FREM1: variants seen among roughly 807,000 people sequenced by gnomAD.
FREM1 encodes FRAS1-related extracellular matrix protein 1.
In FREM1, 220 loss-of-function variants were observed where a neutral mutation model predicts 210.1. That is an observed-to-expected ratio of 1.05 (90% confidence interval 0.94 to 1.17). The LOEUF (loss-of-function observed/expected upper bound fraction) is 1.17. Ranked by LOEUF, FREM1 falls within the 50% of genes most tolerant of loss-of-function variation. The pLI is 0.00. For missense variants in FREM1, 3,454 were observed against 2,675.5 expected (o/e 1.29, Z -6.42); for synonymous variants, 1,189 against 980.2 (o/e 1.21, Z -3.98).
In FREM1 at chr9:14,863,802, C is replaced by T. The variant is rs180917208; in HGVS notation, c.329+7G>A. The stretch of plus-strand genomic sequence containing the variant: ...CAGCAAATGAGCGATGTTCCCGTGC[C>T]GCTTACCTGTAAAGTCTGAGCTTCA... On this transcript the variant is annotated splice_region_variant and intron_variant, in intron 3 of 36. Transcript: ENST00000380880. The T allele has an allele frequency of 2.1e-5, 34 of 1,582,764 alleles. No individual in the cohort carries two copies. Among genetic ancestry groups the T allele is most frequent in the South Asian group, 2.1e-4 (19 of 90,230 alleles).
At position 14,868,750 on chromosome 9, in the gene FREM1, A is replaced by G; in HGVS notation, c.228T>C (p.Thr76=). 6.2e-7 allele frequency: 1 copy of G among 1,605,650 alleles called. No homozygotes were observed. The highest frequency in any genetic ancestry group is 8.5e-7 in the Non-Finnish European group (1 of 1,174,374). The change falls in exon 2 of 37, where the codon ACT becomes ACC. Residue 76 remains threonine, a synonymous_variant. Coordinates refer to ENST00000380880, the MANE Select transcript of FREM1 (RefSeq NM_001379081.2). ...EPITQRVGKL[T]PQVFDCHFLP... ...AATCGCAGATAGGACCTACCTGTGG[A>G]GTGAGTTTCCCAACCCTCTGGGTTA... is the stretch of plus-strand genomic sequence containing the variant.
At chr9:14,823,474 T>C (rs1821753346) in intron 12 of FREM1, 147 bp from the exon 13 acceptor site, 1 of 701,774 alleles carries the variant, frequency 1.4e-6, no homozygotes. Context: ...AGCTCTATTT[T>C]TACTTCAATG....
chr9:14,826,242 C>A lies in FREM1; in HGVS notation c.1882-1250G>T, dbSNP rs531642784. On this transcript the variant is annotated intron_variant, in intron 10 of 36. Transcript: ENST00000380880. ...GAGTAGCTGGGGCTACGGGCTTCCA[C>A]CATCACACCCAGCTAATTTTTGTAT... Among the ~76,000 whole-genome samples the A allele has an allele frequency of 2.2e-4, 34 of 152,174 alleles. 1 individual carries two copies. The highest frequency in any genetic ancestry group is 8.2e-4 in the African/African-American group (34 of 41,534).
At chr9:14,861,482 G>A (rs1483516271) in intron 3 of FREM1, among the ~76,000 whole-genome samples, 1 of 147,916 alleles carries the variant, frequency 6.8e-6, no homozygotes, top group Non-Finnish European at 1.5e-5. Flanking sequence ...CATTTATTGA[G>A]CATTCCCTCA....
chr9:14,804,461 T>C (rs981115377), intron 19 of FREM1, among the ~76,000 whole-genome samples: 2 of 152,174 alleles, frequency 1.3e-5, no homozygotes, highest in Non-Finnish European at 1.5e-5. Context: ...GGCGGGCACC[T>C]GCAGTCCCAG....
At chr9:14,776,407 G>A (rs1287647648) in intron 24 of FREM1, among the ~76,000 whole-genome samples, 1 of 152,122 alleles carries the variant, frequency 6.6e-6, no homozygotes, top group Non-Finnish European at 1.5e-5. Flanking sequence ...CTACACCCAA[G>A]AATATTTTCC....
In FREM1 at chr9:14,737,635, C is replaced by T. The variant is rs368061543; in HGVS notation, c.6341-40G>A. 7.9e-5 allele frequency: 111 copies of T among 1,397,688 alleles called. 1 individual carries two copies. Among genetic ancestry groups the T allele is most frequent in the East Asian group, 2.8e-4 (11 of 39,226 alleles). 86.6% of individuals were successfully genotyped at this position (1,397,688 alleles called of 1,614,324 possible). On this transcript the variant is annotated intron_variant, in intron 36 of 36. Transcript: ENST00000380880. Reference sequence around the variant, plus strand: ...AAGAATGTACCAATTACTTTTATTGCGTTTATACTTAGATATCATATCCAG... The same window carrying T: ...AAGAATGTACCAATTACTTTTATTGTGTTTATACTTAGATATCATATCCAG...
intron 5 of FREM1, 89 bp downstream of exon 5, chr9:14,857,464 C>G: frequency 2.7e-6 from 3 of 1,128,838 alleles, no homozygotes; most frequent in Non-Finnish European, 4.1e-6. Flanking sequence ...GGAACTCTCC[C>G]TGGCATGGGG....
chr9:14,801,616 A>G, intron 20 of FREM1, 36 bp downstream of exon 20: 2 of 1,392,744 alleles, frequency 1.4e-6, no homozygotes, highest in Non-Finnish European at 1.0e-6. Flanking sequence ...TATTCAATCA[A>G]CAATAACAAA....
At chr9:14,758,999 T>C (rs2132237563) in intron 28 of FREM1, among the ~76,000 whole-genome samples, 1 of 152,218 alleles carries the variant, frequency 6.6e-6, no homozygotes, top group East Asian at 1.9e-4. Context: ...ACTGAGCCCA[T>C]GGGAAGTGAC....
Position 14,769,882 on chromosome 9 carries a change from T to C in FREM1, c.5060-14A>G, listed in dbSNP as rs998562734. The C allele has an allele frequency of 7.6e-7, 1 of 1,312,724 alleles. No homozygotes were observed. Among genetic ancestry groups the C allele is most frequent in the Non-Finnish European group, 1.1e-6 (1 of 935,466 alleles). 81.3% of individuals were successfully genotyped at this position (1,312,724 alleles called of 1,614,324 possible). A position where few individuals can be genotyped will look rare whatever the true frequency, so the allele number is the denominator to read the frequency against. ...GGATAAATTCACCTAAAAAAAGAAATAAATGAATATCATGGGTAATCAAAC... is the reference window on the plus strand; with the variant it reads ...GGATAAATTCACCTAAAAAAAGAAACAAATGAATATCATGGGTAATCAAAC... On this transcript the variant is annotated splice_polypyrimidine_tract_variant and intron_variant, in intron 26 of 36. Coordinates refer to ENST00000380880, the MANE Select transcript of FREM1 (RefSeq NM_001379081.2).
chr9:14,777,674 G>A (rs1158924740), intron 24 of FREM1, among the ~76,000 whole-genome samples: 2 of 152,122 alleles, frequency 1.3e-5, no homozygotes, highest in East Asian at 3.9e-4. Flanking sequence ...GAGAAGGTAT[G>A]GCATTTATAT....
At chr9:14,845,380 C>T (rs1826411861) in intron 8 of FREM1, among the ~76,000 whole-genome samples, 1 of 152,024 alleles carries the variant, frequency 6.6e-6, no homozygotes, top group Non-Finnish European at 1.5e-5. Flanking sequence ...TCTTGGCTCA[C>T]TGCAACCTCT....
Position 14,836,402 on chromosome 9 carries a change from G to A in FREM1, c.1881+5045C>T, listed in dbSNP as rs1308183042. On this transcript the variant is annotated intron_variant, in intron 10 of 36. Transcript: ENST00000380880. This position sits in a 1 kb window ranked among gnomAD's most constrained non-coding sequence, Gnocchi z 4.9. ...GCTAGGATTTTTTATTGGATTTAGTGATGCACTTTTAAATGAAACATGCTG... is the reference window on the plus strand; with the variant it reads ...GCTAGGATTTTTTATTGGATTTAGTAATGCACTTTTAAATGAAACATGCTG... Among the ~76,000 whole-genome samples, 1 of 152,198 alleles carries A rather than the reference G, an allele frequency of 6.6e-6. No homozygotes were observed. The highest frequency in any genetic ancestry group is 1.5e-5 in the Non-Finnish European group (1 of 68,026).
chr9:14,910,292 C>G lies in FREM1; in HGVS notation c.-646G>C, dbSNP rs1009223399. 1.3e-5 allele frequency: 2 copies of G among 152,296 alleles called. No homozygotes were observed. Among genetic ancestry groups the G allele is most frequent in the African/African-American group, 4.8e-5 (2 of 41,470 alleles). The allele number at this position is 152,296 out of a possible 1,614,324, so 9.4% of individuals were successfully genotyped here. Reference sequence around the variant, plus strand: ...TACTGTTTACACAGAGCCCGACCTCCCTGGCGGACAGCCACCGCTAGCCCC... The same window carrying G: ...TACTGTTTACACAGAGCCCGACCTCGCTGGCGGACAGCCACCGCTAGCCCC... On this transcript the variant is annotated 5_prime_UTR_variant, in exon 1 of 37. Coordinates refer to ENST00000380880, the MANE Select transcript of FREM1 (RefSeq NM_001379081.2).
At position 14,896,531 on chromosome 9, in the gene FREM1, C is replaced by T. The variant is rs138974639; in HGVS notation, c.-268+13383G>A. On this transcript the variant is annotated intron_variant, in intron 1 of 36. Transcript: ENST00000380880. ...CTGCACTCCAGCCTGGGCCACAGAG[C>T]GAGACTCCATCTCAAAAAAAAAAAA... Among the ~76,000 whole-genome samples the T allele has an allele frequency of 6.5e-3, 836 of 127,778 alleles. 10 individuals carry two copies. The highest frequency in any genetic ancestry group is 0.019 in the African/African-American group (601 of 32,276). The allele number at this position is 127,778 out of a possible 152,430, so 83.8% of individuals were successfully genotyped here.
At chr9:14,889,418 C>G (rs1168554354) in intron 1 of FREM1, among the ~76,000 whole-genome samples, 2 of 152,152 alleles carry the variant, frequency 1.3e-5, no homozygotes, top group Non-Finnish European at 2.9e-5. Context: ...ATCTTAATGT[C>G]CCTTAGCCAT....
intron 5 of FREM1, among the ~76,000 whole-genome samples, chr9:14,852,704 G>T (rs929846882): frequency 6.6e-6 from 1 of 152,100 alleles, no homozygotes; most frequent in Admixed American, 6.6e-5. Flanking sequence ...GAAAAGAAAA[G>T]AATCCTCATA....
intron 35 of FREM1, among the ~76,000 whole-genome samples, chr9:14,742,863 T>A (rs918387024): frequency 6.6e-6 from 1 of 152,138 alleles, no homozygotes; most frequent in Admixed American, 6.5e-5. Flanking sequence ...ACACCTATGA[T>A]GAGAAACCTG....
Sources: allele counts gnomAD v4.1 joint callset (sites outside exome capture counted in the v4.1 genomes callset), GRCh38; gene constraint gnomAD v4.1.1; non-coding constraint Gnocchi (gnomAD v3.1); transcripts MANE v1.5; gene names NCBI Gene and HGNC (gene_info 2026-07-23, HGNC 2026-07-21).